Variants in ZNF385B observed in about 807,000 individuals in gnomAD.
ZNF385B encodes zinc finger protein 533.
Under a neutral mutation model 39.2 loss-of-function variants are expected in ZNF385B, and 23 were observed. The observed-to-expected ratio is 0.59, with a 90% CI of 0.42 to 0.83. ZNF385B has a LOEUF of 0.83. ZNF385B is among the 40% of genes least tolerant of loss of function. The probability of loss-of-function intolerance (pLI) is 0.00; values close to 1 mark genes in which losing one functional copy is unlikely to be tolerated. For missense variants in ZNF385B, 552 were observed against 598.9 expected (o/e 0.92, Z 0.82); for synonymous variants, 205 against 222.6 (o/e 0.92, Z 0.70).
intron 5 of ZNF385B, among the ~76,000 whole-genome samples, chr2:179,504,631 T>C (rs1227047306): frequency 1.3e-5 from 2 of 151,668 alleles, no homozygotes; most frequent in Non-Finnish European, 2.9e-5. Flanking sequence ...TGGCCAGTGA[T>C]GATGAGCATT....
rs1212419036 is a variant in ZNF385B at position 179,736,285 on chromosome 2, C to CT, written c.298+33217dup. 5.3e-5 allele frequency among the ~76,000 whole-genome samples: 8 copies of CT among 152,030 alleles called. 1 individual carries two copies. Among genetic ancestry groups the CT allele is most frequent in the Non-Finnish European group, 1.2e-4 (8 of 67,978 alleles). On this transcript the variant is annotated intron_variant, in intron 3 of 9. Transcript: ENST00000410066. ...TGATACTTGCTTTGGGAGCTTACAA[C>CT]TTTGTCTAAAAAATAAATAATGGGA...
chr2:179,573,422 C>A (rs1235250718), intron 3 of ZNF385B, among the ~76,000 whole-genome samples: 2 of 151,842 alleles, frequency 1.3e-5, no homozygotes, highest in Non-Finnish European at 2.9e-5. Context: ...AGGCCAGCAG[C>A]TATCAGGAAA....
At chr2:179,812,129 G>A (rs543088083) in intron 1 of ZNF385B, among the ~76,000 whole-genome samples, 8 of 152,028 alleles carry the variant, frequency 5.3e-5, no homozygotes, top group South Asian at 2.1e-4. Context: ...TTATTAAAAA[G>A]TCAAAAACCA....
chr2:179,527,300 G>C (rs772376399), intron 4 of ZNF385B, among the ~76,000 whole-genome samples: 2 of 152,104 alleles, frequency 1.3e-5, no homozygotes, highest in African/African-American at 2.4e-5. Context: ...GTACAGAATA[G>C]CATTTCATTT....
chr2:179,798,307 A>C (rs9288042), intron 1 of ZNF385B, among the ~76,000 whole-genome samples: 92,343 of 151,622 alleles, frequency 0.61, 28,406 homozygotes, highest in East Asian at 0.74. Flanking sequence ...CTCCAAGGAC[A>C]CCCCATTCCT....
chr2:179,825,393 A>C (rs1412925038), intron 1 of ZNF385B, among the ~76,000 whole-genome samples: 1 of 152,196 alleles, frequency 6.6e-6, no homozygotes, highest in Admixed American at 6.5e-5. Context: ...CTCAATCTAA[A>C]GTTAGTGTAA....
intron 3 of ZNF385B, among the ~76,000 whole-genome samples, chr2:179,762,470 GT>G (rs1703460551): frequency 6.6e-6 from 1 of 152,194 alleles, no homozygotes; most frequent in South Asian, 2.1e-4. Flanking sequence ...GGGATTACAG[GT>G]GTGAGCCACC....
intron 3 of ZNF385B, among the ~76,000 whole-genome samples, chr2:179,713,738 C>A (rs1208626537): frequency 6.6e-6 from 1 of 152,122 alleles, no homozygotes; most frequent in Non-Finnish European, 1.5e-5. Flanking sequence ...TGAATAAATG[C>A]ATGTTATAAA....
chr2:179,476,016 CAAAAAAA>C (rs34327373), intron 6 of ZNF385B, among the ~76,000 whole-genome samples: 2 of 57,012 alleles, frequency 3.5e-5, no homozygotes, highest in African/African-American at 7.0e-5. Context: ...GCCTCTGTCT[CAAAAAAA>C]AAAAAAAAAA....
intron 3 of ZNF385B, among the ~76,000 whole-genome samples, chr2:179,698,990 G>T (rs56014439): frequency 0.17 from 26,497 of 151,796 alleles, 2,451 homozygotes; most frequent in African/African-American, 0.22. Flanking sequence ...AATGTTTTTT[G>T]TTAATGCATT....
chr2:179,807,485 A>G (rs952669702), intron 1 of ZNF385B, among the ~76,000 whole-genome samples: 3 of 152,052 alleles, frequency 2.0e-5, no homozygotes, highest in Non-Finnish European at 4.4e-5. Context: ...TGGGAGGCTG[A>G]GGCCAGAGAA....
chr2:179,784,843 A>C (rs926405832), intron 1 of ZNF385B, among the ~76,000 whole-genome samples: 1 of 152,130 alleles, frequency 6.6e-6, no homozygotes, highest in South Asian at 2.1e-4. Flanking sequence ...CGGTGGAAGT[A>C]TAAAGTGGTA....
chr2:179,703,141 T>A (rs906340269), intron 3 of ZNF385B, among the ~76,000 whole-genome samples: 1 of 152,402 alleles, frequency 6.6e-6, no homozygotes, highest in Middle Eastern at 3.4e-3. Context: ...GCTATAGCCA[T>A]CTGGCTTGCT....
intron 1 of ZNF385B, chr2:179,814,365 A>G (rs761276518): frequency 6.9e-5 from 21 of 305,296 alleles, no homozygotes; most frequent in Non-Finnish European, 1.3e-4. Flanking sequence ...CCCCACATGC[A>G]TGAAAATGGA....
intron 3 of ZNF385B, among the ~76,000 whole-genome samples, chr2:179,579,162 T>A (rs573609433): frequency 6.6e-6 from 1 of 152,238 alleles, no homozygotes; most frequent in African/African-American, 2.4e-5. Context: ...GAAAAATATG[T>A]ATTTTGATGG....
chr2:179,593,841 A>G (rs1420213742), intron 3 of ZNF385B, among the ~76,000 whole-genome samples: 1 of 152,214 alleles, frequency 6.6e-6, no homozygotes, highest in Non-Finnish European at 1.5e-5. Context: ...ATAGGCCAGG[A>G]AGGCCCCAAG....
chr2:179,694,578 T>C (rs1009164127), intron 3 of ZNF385B, among the ~76,000 whole-genome samples: 1 of 152,174 alleles, frequency 6.6e-6, no homozygotes, highest in African/African-American at 2.4e-5. Flanking sequence ...TACAATATTC[T>C]AGGAATAAAA....
chr2:179,582,707 T>C (rs943645910), intron 3 of ZNF385B, among the ~76,000 whole-genome samples: 1 of 152,234 alleles, frequency 6.6e-6, no homozygotes, highest in African/African-American at 2.4e-5. Context: ...AAATAAACTT[T>C]GTAATTTGGA....
At chr2:179,538,153 A>G (rs1176528165) in intron 4 of ZNF385B, among the ~76,000 whole-genome samples, 2 of 152,186 alleles carry the variant, frequency 1.3e-5, no homozygotes, top group African/African-American at 4.8e-5. Flanking sequence ...AGTTGGACAT[A>G]CTAGTATCCT....
Sources: allele counts gnomAD v4.1 joint callset (sites outside exome capture counted in the v4.1 genomes callset), GRCh38; gene constraint gnomAD v4.1.1; transcripts MANE v1.5; gene names NCBI Gene and HGNC (gene_info 2026-07-23, HGNC 2026-07-21).